The following PFAS variants were observed in gnomAD, a reference collection of about 807,000 sequenced individuals.
The protein encoded by PFAS is phosphoribosylformylglycinamidine synthase, also known as FGAM synthase.
In PFAS, 97 loss-of-function variants were observed where a neutral mutation model predicts 140.6. The ratio of observed to expected loss-of-function variants is 0.69; its 90% CI spans 0.59 to 0.82. The LOEUF is 0.82. Among genes scored for constraint, PFAS ranks in the 40% least tolerant of loss-of-function variants. The pLI, the probability that PFAS is intolerant of heterozygous loss-of-function variation, is 0.00. For synonymous variants in PFAS, 679 were observed against 718.8 expected (o/e 0.94, Z 0.88); for missense variants, 1,656 against 1,780.2 (o/e 0.93, Z 1.26).
At position 8,266,610 on chromosome 17, in the gene PFAS, GC is replaced by G. The variant is rs1176007027; in HGVS notation, c.2822-140del. On this transcript the variant is annotated intron_variant, in intron 22 of 27. Coordinates refer to ENST00000314666, the MANE Select transcript of PFAS (RefSeq NM_012393.3). This position sits in a 1 kb window ranked among gnomAD's most constrained non-coding sequence, Gnocchi z 5.0. ...AAACATCCTCAGTCCTGCCGTCCTAGCCCTCATCCTCCCTGATCCCTACCCT... is the reference window on the plus strand; with the variant it reads ...AAACATCCTCAGTCCTGCCGTCCTAGCCTCATCCTCCCTGATCCCTACCCT... 1 of 1,489,322 alleles carries G rather than the reference GC, an allele frequency of 6.7e-7. No individual in the cohort carries two copies. The highest frequency in any genetic ancestry group is 1.4e-5 in the African/African-American group (1 of 71,080). 92.3% of individuals were successfully genotyped at this position (1,489,322 alleles called of 1,614,324 possible). A position where few individuals can be genotyped will look rare whatever the true frequency, so the allele number is the denominator to read the frequency against.
At chr17:8,265,839 C>T (rs191937416) in intron 20 of PFAS, 23 bp from the exon 21 acceptor site, 35 of 1,583,562 alleles carry the variant, frequency 2.2e-5, no homozygotes, top group Non-Finnish European at 2.8e-5. Flanking sequence ...TTCCCCTCCC[C>T]TCACCCCTCC....
chr17:8,256,679 G>C (rs1989380103), intron 8 of PFAS, 31 bp downstream of exon 8: 2 of 1,613,010 alleles, frequency 1.2e-6, no homozygotes, highest in East Asian at 4.5e-5. Flanking sequence ...AAATAGGTGA[G>C]ATCACAGAAT....
upstream of PFAS, chr17:8,248,109 C>T (rs1988940271): frequency 2.0e-6 from 2 of 1,023,652 alleles, no homozygotes; most frequent in South Asian, 2.7e-5. Context: ...GGGGGGCGCT[C>T]GGTGACGTCA....
At chr17:8,248,211 T>G, upstream of PFAS, 6 of 606,890 alleles carry the variant, frequency 9.9e-6, no homozygotes, top group Non-Finnish European at 1.2e-5. Flanking sequence ...CGGTGCACCA[T>G]CCCAACTCCC....
Position 8,266,859 on chromosome 17 carries a change from G to A in PFAS, c.2928G>A (p.Leu976=), listed in dbSNP as rs1462955093. The stretch of plus-strand genomic sequence containing the variant: ...ACCGGGATGCTGGCCTCCATTGCCT[G>A]GAGCTGGGCCACACAGGCGAGGCCG... ...KRYRDAGLHC[L]ELGHTGEAGP... The change falls in exon 23 of 28, where the codon CTG becomes CTA. Residue 976 remains leucine, a synonymous_variant. Transcript: ENST00000314666. The surrounding 1 kb of genome is among the most constrained non-coding windows in gnomAD (Gnocchi z 5.0). The A allele has an allele frequency of 6.2e-7, 1 of 1,609,088 alleles. No homozygotes were observed. The highest frequency in any genetic ancestry group is 2.2e-5 in the East Asian group (1 of 44,872).
At chr17:8,254,118 G>A (rs371776091) in intron 2 of PFAS, 39 bp downstream of exon 2, 22 of 1,613,816 alleles carry the variant, frequency 1.4e-5, no homozygotes, top group African/African-American at 1.1e-4. Context: ...GACATGCCTC[G>A]GTGCTGGGGG....
intron 11 of PFAS, among the ~76,000 whole-genome samples, chr17:8,261,999 G>A (rs9898360): frequency 0.013 from 1,939 of 150,320 alleles, 43 homozygotes; most frequent in African/African-American, 0.045. Context: ...CTGGGCAACC[G>A]AGCAAGACCC....
intron 11 of PFAS, among the ~76,000 whole-genome samples, chr17:8,260,943 G>A (rs1487034696): frequency 1.3e-5 from 2 of 151,784 alleles, no homozygotes; most frequent in Non-Finnish European, 2.9e-5. Context: ...GTTTTTGTAT[G>A]AACATATGTT....
At chr17:8,252,490 G>A (rs868258842) in intron 1 of PFAS, among the ~76,000 whole-genome samples, 8 of 151,340 alleles carry the variant, frequency 5.3e-5, no homozygotes, top group Admixed American at 1.3e-4. Context: ...TGCAACTTCC[G>A]CCTCCCGGGT....
At position 8,253,925 on chromosome 17, in the gene PFAS, G is replaced by C. The variant is rs188398517; in HGVS notation, c.-13G>C. 2.8e-4 allele frequency: 442 copies of C among 1,605,296 alleles called. 2 individuals carry two copies. In the African/African-American group the frequency reaches 5.4e-3, roughly 20 times the overall value. On this transcript the variant is annotated 5_prime_UTR_variant, in exon 2 of 28. Transcript: ENST00000314666. Reference sequence around the variant, plus strand: ...CAAAGGACACCTCTCTCCAGCAAAGGACACCTGCAGAGATGTCCCCAGTCC... The same window carrying C: ...CAAAGGACACCTCTCTCCAGCAAAGCACACCTGCAGAGATGTCCCCAGTCC...
chr17:8,256,803 C>A, intron 8 of PFAS, 32 bp from the exon 9 acceptor site: 1 of 1,566,250 alleles, frequency 6.4e-7, no homozygotes, highest in South Asian at 1.2e-5. Context: ...GTCTCTGAGG[C>A]ACCCAGACCT....
Position 8,264,970 on chromosome 17 carries a change from G to A in PFAS, c.2125G>A (p.Ala709Thr). The A allele has an allele frequency of 1.2e-6, 2 of 1,612,780 alleles. No individual in the cohort carries two copies. Among genetic ancestry groups the A allele is most frequent in the Non-Finnish European group, 1.7e-6 (2 of 1,179,378 alleles). The stretch of plus-strand genomic sequence containing the variant: ...CCTGCAAACTCCTCTGGCAGATGTA[G>A]CGGTTGTGGCACTGAGCCATGAGGA... ...GPLQTPLADV[A>T]VVALSHEELI... The change falls in exon 18 of 28, where the codon GCG becomes ACG. Residue 709 changes from alanine to threonine, a missense_variant. Physicochemically the swap from Ala to Thr is moderately conservative, Grantham distance 58. Coordinates refer to ENST00000314666, the MANE Select transcript of PFAS (RefSeq NM_012393.3).
chr17:8,261,704 G>C (rs547619051), intron 11 of PFAS, among the ~76,000 whole-genome samples: 1 of 151,604 alleles, frequency 6.6e-6, no homozygotes, highest in African/African-American at 2.4e-5. Context: ...TCCATCTTCC[G>C]GGCTCAGGCA....
chr17:8,256,235 C>T (rs1023877639), intron 6 of PFAS, 32 bp from the exon 7 acceptor site: 17 of 1,606,756 alleles, frequency 1.1e-5, no homozygotes, highest in Middle Eastern at 3.6e-4. Flanking sequence ...CCGTTTCCAC[C>T]TGCCTTCCCC....
intron 1 of PFAS, among the ~76,000 whole-genome samples, chr17:8,250,963 G>A (rs1989124220): frequency 8.7e-6 from 1 of 114,356 alleles, no homozygotes; most frequent in African/African-American, 2.7e-5. Flanking sequence ...CACTGTGGGA[G>A]TCTTTTTTTT....
chr17:8,264,487 G>A lies in PFAS; in HGVS notation c.1935G>A (p.Arg645=), dbSNP rs1228486404. ...TGTTGCAGGAGTTCTTCCTGCAGAGGAAGCCCCCCATGCTGCAGCCTCTGG... is the reference window on the plus strand; with the variant it reads ...TGTTGCAGGAGTTCTTCCTGCAGAGAAAGCCCCCCATGCTGCAGCCTCTGG... ...KMPRKEFFLQ[R]KPPMLQPLAL... Residue 645 remains arginine, a synonymous_variant, in exon 17 of 28, where the codon AGG becomes AGA. Coordinates refer to ENST00000314666, the MANE Select transcript of PFAS (RefSeq NM_012393.3). 1 of 1,613,744 alleles carries A rather than the reference G, an allele frequency of 6.2e-7. No homozygotes were observed. Among genetic ancestry groups the A allele is most frequent in the East Asian group, 2.2e-5 (1 of 44,878 alleles).
At chr17:8,251,920 CT>C (rs1989169773) in intron 1 of PFAS, among the ~76,000 whole-genome samples, 3 of 151,882 alleles carry the variant, frequency 2.0e-5, no homozygotes, top group South Asian at 4.1e-4. Flanking sequence ...TGATCTGCCC[CT>C]CTTGGCCTCC....
In PFAS at chr17:8,256,932, C is replaced by T. The variant is rs766680645; in HGVS notation, c.1044C>T (p.Ala348=). The T allele has an allele frequency of 1.7e-5, 27 of 1,614,034 alleles. No homozygotes were observed. Among genetic ancestry groups the T allele is most frequent in the Non-Finnish European group, 2.0e-5 (24 of 1,180,016 alleles). ...GRGAHVVAGT[A]GYCFGNLHIP... ...GGGCCCACGTGGTGGCTGGCACTGC[C>T]GGCTATTGCTTTGGAAATCTGCATA... The change falls in exon 9 of 28, where the codon GCC becomes GCT. Residue 348 remains alanine (A), a synonymous_variant. Coordinates refer to ENST00000314666, the MANE Select transcript of PFAS (RefSeq NM_012393.3).
chr17:8,253,371 A>G (rs1427998505), intron 1 of PFAS, among the ~76,000 whole-genome samples: 1 of 152,162 alleles, frequency 6.6e-6, no homozygotes, highest in African/African-American at 2.4e-5. Context: ...TACCACATTA[A>G]TAAAGACCAC....
Sources: gnomAD v4.1 joint callset for allele counts (sites outside exome capture counted in the v4.1 genomes callset) on GRCh38, gnomAD v4.1.1 for gene constraint, Gnocchi (gnomAD v3.1) non-coding constraint, MANE v1.5 for transcripts, NCBI Gene and HGNC (gene_info 2026-07-23, HGNC 2026-07-21) for gene names.